The following CNTNAP2 variants were observed in gnomAD, a reference collection of about 807,000 sequenced individuals.
CNTNAP2 encodes contactin associated protein 2.
A neutral mutation model predicts 155.2 loss-of-function variants in CNTNAP2; 98 were observed. That is an observed-to-expected ratio of 0.63 (90% CI 0.54 to 0.75). CNTNAP2 has a LOEUF of 0.75. Ranked by LOEUF, CNTNAP2 falls within the 30% of genes least tolerant of loss-of-function variation. The probability of loss-of-function intolerance (pLI) is 0.00; values close to 1 mark genes in which losing one functional copy is unlikely to be tolerated. For synonymous variants in CNTNAP2, 651 were observed against 631.2 expected, an observed-to-expected ratio of 1.03 and a Z score of -0.47; for missense variants, 1,727 against 1,688.1, an observed-to-expected ratio of 1.02 and a Z score of -0.40.
intron 1 of CNTNAP2, among the ~76,000 whole-genome samples, chr7:146,607,523 C>G (rs1416891634): frequency 6.6e-6 from 1 of 152,124 alleles, no homozygotes; most frequent in East Asian, 1.9e-4. Context: ...GTCACCCAGA[C>G]TGGAGTACAG....
chr7:146,258,734 C>T (rs987185607), intron 1 of CNTNAP2, among the ~76,000 whole-genome samples: 10 of 152,216 alleles, frequency 6.6e-5, no homozygotes, highest in African/African-American at 2.4e-4. Context: ...GCCAATCAAT[C>T]CTCAGAGATG....
intron 8 of CNTNAP2, among the ~76,000 whole-genome samples, chr7:147,198,192 T>G (rs1802843699): frequency 6.6e-6 from 1 of 151,766 alleles, no homozygotes; most frequent in East Asian, 1.9e-4. Context: ...TAAGTAAAAC[T>G]TGGCTAACCA....
At chr7:148,407,298 C>T (rs1169103168) in intron 22 of CNTNAP2, among the ~76,000 whole-genome samples, 1 of 152,152 alleles carries the variant, frequency 6.6e-6, no homozygotes, top group East Asian at 1.9e-4. Context: ...ACACTACCTA[C>T]CCCAGAAAAT....
chr7:147,728,145 T>C (rs1197252531), intron 13 of CNTNAP2, among the ~76,000 whole-genome samples: 1 of 137,430 alleles, frequency 7.3e-6, no homozygotes, highest in African/African-American at 2.7e-5. Flanking sequence ...CAATGATGAA[T>C]ACTACTTTAT....
At chr7:147,876,490 T>C (rs535963793) in intron 13 of CNTNAP2, among the ~76,000 whole-genome samples, 10 of 152,308 alleles carry the variant, frequency 6.6e-5, no homozygotes, top group African/African-American at 2.2e-4. Context: ...TTTCCTATTG[T>C]AGAACGAGAA....
chr7:148,225,082 A>G (rs1052745246), intron 19 of CNTNAP2, among the ~76,000 whole-genome samples: 1 of 152,216 alleles, frequency 6.6e-6, no homozygotes, highest in Non-Finnish European at 1.5e-5. Flanking sequence ...TTCCACTCCT[A>G]CTGTGCATCA....
At chr7:146,858,798 T>G (rs1795041726) in intron 3 of CNTNAP2, among the ~76,000 whole-genome samples, 1 of 152,242 alleles carries the variant, frequency 6.6e-6, no homozygotes, top group Non-Finnish European at 1.5e-5. Context: ...TTTTTTTGCA[T>G]TTTTATTATA....
intron 11 of CNTNAP2, among the ~76,000 whole-genome samples, chr7:147,503,265 G>C (rs781123122): frequency 2.0e-5 from 3 of 152,060 alleles, no homozygotes; most frequent in Non-Finnish European, 4.4e-5. Context: ...ACACAGCCAC[G>C]TTCCCTGGGT....
intron 12 of CNTNAP2, 109 bp from the exon 13 acceptor site, chr7:147,638,997 C>A: frequency 9.0e-7 from 1 of 1,108,754 alleles, no homozygotes; most frequent in Non-Finnish European, 1.4e-6. Flanking sequence ...CACTGTTCTA[C>A]ACCAGCTCAG....
intron 1 of CNTNAP2, among the ~76,000 whole-genome samples, chr7:146,394,158 G>GTTAGTACAC (rs1356613842): frequency 5.3e-5 from 8 of 152,062 alleles, no homozygotes; most frequent in African/African-American, 1.7e-4. Flanking sequence ...ATTGCCATGG[G>GTTAGTACAC]CATTATTTAG....
At chr7:146,365,817 T>G (rs12703803) in intron 1 of CNTNAP2, among the ~76,000 whole-genome samples, 34,713 of 152,068 alleles carry the variant, frequency 0.23, 4,872 homozygotes, top group Admixed American at 0.39. Context: ...GTCTATTAAC[T>G]TAATAAGCCA....
At chr7:146,405,722 C>A (rs1795781631) in intron 1 of CNTNAP2, among the ~76,000 whole-genome samples, 1 of 152,148 alleles carries the variant, frequency 6.6e-6, no homozygotes, top group Admixed American at 6.5e-5. Flanking sequence ...ATTATCAGGA[C>A]AGGTTTCTAC....
At chr7:147,387,857 G>A (rs952826704) in intron 9 of CNTNAP2, among the ~76,000 whole-genome samples, 6 of 152,078 alleles carry the variant, frequency 3.9e-5, no homozygotes, top group Non-Finnish European at 5.9e-5. Context: ...ATAGTTTGAG[G>A]CTATGTTCTG....
In CNTNAP2 at chr7:146,394,881, C is replaced by T. The variant is rs553965334; in HGVS notation, c.97+277908C>T. ...ACATTGTACCCACTGGGTAATTTCT[C>T]ATCTCTCACCCCCTCCCACCTGTTT... On this transcript the variant is annotated intron_variant, in intron 1 of 23. Coordinates refer to ENST00000361727, the MANE Select transcript of CNTNAP2 (RefSeq NM_014141.6). 1.4e-4 allele frequency among the ~76,000 whole-genome samples: 21 copies of T among 152,224 alleles called. 1 individual carries two copies. The South Asian group carries it at 4.2e-3, about 30-fold the overall frequency.
intron 1 of CNTNAP2, among the ~76,000 whole-genome samples, chr7:146,658,392 A>AG (rs1386410070): frequency 1.3e-5 from 2 of 152,046 alleles, no homozygotes; most frequent in East Asian, 3.9e-4. Flanking sequence ...GCCAAAAAAA[A>AG]AAAAAATACG....
rs745469092 is a variant in CNTNAP2, at chr7:148,217,489, CCA to C, written c.3215_3216del (p.Thr1072ArgfsTer29). The C allele has an allele frequency of 2.5e-6, 4 of 1,614,190 alleles. No individual in the cohort carries two copies. The highest frequency in any genetic ancestry group is 3.4e-6 in the Non-Finnish European group (4 of 1,180,030). ...ATTCTCCTCTACATCAGCTCCTTCA[CCA>C]CAGACTTCTTGGCAGTCCTCGTCAA... On this transcript the variant is annotated frameshift_variant, in exon 19 of 24. Transcript: ENST00000361727. LOFTEE classifies it high-confidence loss of function.
intron 8 of CNTNAP2, among the ~76,000 whole-genome samples, chr7:147,155,863 C>G (rs894201219): frequency 7.9e-5 from 12 of 152,050 alleles, no homozygotes; most frequent in African/African-American, 1.4e-4. Context: ...GAAGAGGGAC[C>G]CTGAGGAGCT....
In CNTNAP2 at chr7:147,956,118, A is replaced by T. The variant is rs193175365; in HGVS notation, c.2256-21744A>T. Among the ~76,000 whole-genome samples the T allele has an allele frequency of 1.1e-3, 166 of 152,278 alleles. 1 individual carries two copies. Among genetic ancestry groups the T allele is most frequent in the Admixed American group, 7.4e-3 (113 of 15,292 alleles). On this transcript the variant is annotated intron_variant, in intron 14 of 23. Transcript: ENST00000361727. The stretch of plus-strand genomic sequence containing the variant: ...TCTTTCAACTACCACAAAAATAATA[A>T]CTATTTGAATATACTCAATAAACAG...
chr7:147,353,660 C>A (rs531652682), intron 9 of CNTNAP2, among the ~76,000 whole-genome samples: 90 of 152,156 alleles, frequency 5.9e-4, no homozygotes, highest in Non-Finnish European at 1.0e-3. Context: ...GGGTATATAC[C>A]CAGTCATGGG....
Sources: allele counts gnomAD v4.1 joint callset (sites outside exome capture counted in the v4.1 genomes callset), GRCh38; gene constraint gnomAD v4.1.1; transcripts MANE v1.5; gene names NCBI Gene and HGNC (gene_info 2026-07-23, HGNC 2026-07-21).